COL4A1: variants seen among roughly 807,000 people sequenced by gnomAD.
The protein encoded by COL4A1 is collagen type IV alpha 1 chain.
A neutral mutation model predicts 216.6 loss-of-function variants in COL4A1; 40 were observed. The observed-to-expected ratio is 0.18, with a 90% confidence interval of 0.14 to 0.24. COL4A1 has a LOEUF of 0.24. COL4A1 is among the 10% of genes least tolerant of loss of function. The pLI is 1.00. For synonymous variants in COL4A1, 839 were observed against 810.7 expected (o/e 1.03, Z -0.59); for missense variants, 1,628 against 2,196.8 (o/e 0.74, Z 5.18).
intron 1 of COL4A1, among the ~76,000 whole-genome samples, chr13:110,250,376 G>A (rs1001819864): frequency 6.6e-6 from 1 of 152,082 alleles, no homozygotes; most frequent in East Asian, 1.9e-4. Context: ...GAAACCACAC[G>A]CCTTGAGGAA....
At chr13:110,252,040 T>C (rs1257733079) in intron 1 of COL4A1, among the ~76,000 whole-genome samples, 1 of 152,194 alleles carries the variant, frequency 6.6e-6, no homozygotes, top group Non-Finnish European at 1.5e-5. Context: ...TTACTTTTTT[T>C]TGAGGTAGAG....
intron 2 of COL4A1, among the ~76,000 whole-genome samples, chr13:110,233,502 A>T (rs1881162975): frequency 6.6e-6 from 1 of 152,124 alleles, no homozygotes; most frequent in Non-Finnish European, 1.5e-5. Flanking sequence ...TATCTCACGC[A>T]TGTTCCCCTT....
intron 2 of COL4A1, 24 bp downstream of exon 2, chr13:110,242,651 G>T (rs200706118): frequency 1.9e-6 from 3 of 1,613,458 alleles, no homozygotes; most frequent in Non-Finnish European, 2.5e-6. Flanking sequence ...AAGAAATGTT[G>T]TGATTTAAAT....
At position 110,299,502 on chromosome 13, in the gene COL4A1, A is replaced by T. The variant is rs571212864; in HGVS notation, c.84+7442T>A. 5.4e-4 allele frequency among the ~76,000 whole-genome samples: 82 copies of T among 152,318 alleles called. 1 individual carries two copies. Among genetic ancestry groups the T allele is most frequent in the Admixed American group, 9.1e-4 (14 of 15,306 alleles). Reference sequence around the variant, plus strand: ...CCTGGCACAAAGCAAGCTCGGTATAAATGCTTCACAGACATTAACTCACTT... The same window carrying T: ...CCTGGCACAAAGCAAGCTCGGTATATATGCTTCACAGACATTAACTCACTT... On this transcript the variant is annotated intron_variant, in intron 1 of 51. Coordinates refer to ENST00000375820, the MANE Select transcript of COL4A1 (RefSeq NM_001845.6).
At chr13:110,164,240 A>T (rs1877230087) in intron 46 of COL4A1, among the ~76,000 whole-genome samples, 1 of 151,444 alleles carries the variant, frequency 6.6e-6, no homozygotes, top group Admixed American at 6.6e-5. Context: ...TGATCCTCCC[A>T]CCTCAGCCTC....
chr13:110,301,238 G>A (rs1255811386), intron 1 of COL4A1, among the ~76,000 whole-genome samples: 2 of 152,250 alleles, frequency 1.3e-5, no homozygotes, highest in Non-Finnish European at 2.9e-5. Context: ...CACTCCGGGG[G>A]TGGGGAGGGG....
At chr13:110,259,534 T>G (rs2139275183) in intron 1 of COL4A1, among the ~76,000 whole-genome samples, 1 of 152,344 alleles carries the variant, frequency 6.6e-6, no homozygotes, top group East Asian at 1.9e-4. Flanking sequence ...CTCTGCTGAC[T>G]AGACAGGAAA....
chr13:110,279,403 T>C lies in COL4A1; in HGVS notation c.84+27541A>G, dbSNP rs1387406247. ...TGAGCTCATGTACATAATGCTCAGG[T>C]TGGTTTCATTGTGATATCATTTCAA... On this transcript the variant is annotated intron_variant, in intron 1 of 51. Coordinates refer to ENST00000375820, the MANE Select transcript of COL4A1 (RefSeq NM_001845.6). 3.3e-5 allele frequency among the ~76,000 whole-genome samples: 5 copies of C among 152,226 alleles called. No individual in the cohort carries two copies. In the East Asian group the frequency reaches 7.7e-4, roughly 24 times the overall value.
intron 1 of COL4A1, among the ~76,000 whole-genome samples, chr13:110,257,414 G>C (rs1356546096): frequency 6.6e-6 from 1 of 152,168 alleles, no homozygotes; most frequent in Non-Finnish European, 1.5e-5. Context: ...ATAACGGCTG[G>C]TAAACCAAAA....
At chr13:110,254,642 TA>T (rs1882431835) in intron 1 of COL4A1, among the ~76,000 whole-genome samples, 1 of 152,196 alleles carries the variant, frequency 6.6e-6, no homozygotes, top group African/African-American at 2.4e-5. Context: ...TTTTTTTCCT[TA>T]AACAATTAAA....
In COL4A1 at chr13:110,207,830, C is replaced by T. The variant is rs188016452; in HGVS notation, c.694-341G>A. Among the ~76,000 whole-genome samples, 6 of 152,308 alleles carry T rather than the reference C, an allele frequency of 3.9e-5. No individual in the cohort carries two copies. The highest frequency in any genetic ancestry group is 9.6e-5 in the African/African-American group (4 of 41,564). On this transcript the variant is annotated intron_variant, in intron 12 of 51. Coordinates refer to ENST00000375820, the MANE Select transcript of COL4A1 (RefSeq NM_001845.6). The surrounding 1 kb of genome is among the most constrained non-coding windows in gnomAD (Gnocchi z 4.4). ...ATGGCACGGAGGAAAGGAATACAAA[C>T]TACCTAATAGAGCTTGAGAAAAAAG...
At chr13:110,236,458 T>A (rs1429471887) in intron 2 of COL4A1, among the ~76,000 whole-genome samples, 1 of 152,352 alleles carries the variant, frequency 6.6e-6, no homozygotes, top group East Asian at 1.9e-4. Flanking sequence ...TAATTAATCA[T>A]GTATCTAAGG....
rs1400870120 is a variant in COL4A1 at position 110,211,683 on chromosome 13, A to G, written c.442-10T>C. ...GTAAGCCTGGTGGTCCCTAAAAAAGAAAGTTTTGGTGTTAGTTTTGTTTTT... is the reference window on the plus strand; with the variant it reads ...GTAAGCCTGGTGGTCCCTAAAAAAGGAAGTTTTGGTGTTAGTTTTGTTTTT... On this transcript the variant is annotated splice_polypyrimidine_tract_variant and intron_variant, in intron 7 of 51. Transcript: ENST00000375820. This position sits in a 1 kb window ranked among gnomAD's most constrained non-coding sequence, Gnocchi z 4.3. 5.6e-6 allele frequency: 9 copies of G among 1,610,940 alleles called. No individual in the cohort carries two copies. In the Admixed American group the frequency reaches 1.5e-4, roughly 27 times the overall value.
chr13:110,273,725 G>A (rs535756525), intron 1 of COL4A1, among the ~76,000 whole-genome samples: 18 of 152,314 alleles, frequency 1.2e-4, no homozygotes, highest in South Asian at 2.1e-4. Context: ...TAATTCTGAG[G>A]TTAGAAGGGT....
intron 11 of COL4A1, 119 bp downstream of exon 11, chr13:110,209,271 GAT>G: frequency 4.4e-6 from 3 of 683,610 alleles, no homozygotes; most frequent in Admixed American, 5.4e-5. Flanking sequence ...GGTATAGTTA[GAT>G]ATAGTGTTAA....
At chr13:110,155,693 C>T (rs926566674) in intron 49 of COL4A1, among the ~76,000 whole-genome samples, 4 of 152,116 alleles carry the variant, frequency 2.6e-5, no homozygotes, top group Non-Finnish European at 5.9e-5. Flanking sequence ...GGTGGATCAC[C>T]TGAGGTCAGG....
Position 110,177,882 on chromosome 13 carries a change from T to G in COL4A1, c.2676A>C (p.Ser892=), listed in dbSNP as rs780782845. 1 of 1,614,028 alleles carries G rather than the reference T, an allele frequency of 6.2e-7. No individual in the cohort carries two copies. The highest frequency in any genetic ancestry group is 8.5e-7 in the Non-Finnish European group (1 of 1,180,038). ...GVMGTPGQPG[S]PGPVGAPGLP... is the part of the protein sequence containing the mutation. ...ATCCAGGAGCACCCACTGGTCCTGGTGAGCCCGGCTGCCCGGGGGTCCCCA... is the reference window on the plus strand; with the variant it reads ...ATCCAGGAGCACCCACTGGTCCTGGGGAGCCCGGCTGCCCGGGGGTCCCCA... Residue 892 remains serine, a synonymous_variant, in exon 33 of 52, where the codon TCA becomes TCC. Transcript: ENST00000375820.
At position 110,242,698 on chromosome 13, in the gene COL4A1, A is replaced by G. The variant is rs1443265164; in HGVS notation, c.121T>C (p.Cys41Arg). The stretch of plus-strand genomic sequence containing the variant: ...ACCTTTTGTCCCTTCACTCCATGGC[A>G]GTCACATTTGCCACAGCCAGAGCCA... The part of the protein sequence containing the change: ...CAGSGCGKCD[C>R]HGVKGQKGER... Residue 41 changes from cysteine to arginine, a missense_variant, in exon 2 of 52, where the codon TGC (cysteine) becomes CGC (arginine). Transcript: ENST00000375820. The G allele has an allele frequency of 6.2e-7, 1 of 1,614,136 alleles. No individual in the cohort carries two copies. The highest frequency in any genetic ancestry group is 1.3e-5 in the African/African-American group (1 of 74,948).
chr13:110,211,776 CAT>C lies in COL4A1; in HGVS notation c.441+91_441+92del. On this transcript the variant is annotated intron_variant, in intron 7 of 51. Coordinates refer to ENST00000375820, the MANE Select transcript of COL4A1 (RefSeq NM_001845.6). This position sits in a 1 kb window ranked among gnomAD's most constrained non-coding sequence, Gnocchi z 4.3. ...ATATATAAAATATAAGTTATTAAAA[CAT>C]AAGCAAAGAAAGAAAGAAAAGGAAA... The C allele has an allele frequency of 6.7e-7, 1 of 1,495,934 alleles. No homozygotes were observed. The highest frequency in any genetic ancestry group is 9.2e-7 in the Non-Finnish European group (1 of 1,085,610). The allele number at this position is 1,495,934 out of a possible 1,614,324, so 92.7% of individuals were successfully genotyped here.
Sources: allele counts gnomAD v4.1 joint callset (sites outside exome capture counted in the v4.1 genomes callset), GRCh38; gene constraint gnomAD v4.1.1; non-coding constraint Gnocchi (gnomAD v3.1); transcripts MANE v1.5; gene names NCBI Gene and HGNC (gene_info 2026-07-23, HGNC 2026-07-21).